ANOS1: variants seen among roughly 807,000 people sequenced by gnomAD.
The protein encoded by ANOS1 is anosmin 1.
Under a neutral mutation model 59.0 loss-of-function variants are expected in ANOS1, and 6 were observed. That is an observed-to-expected ratio of 0.10 (90% CI 0.06 to 0.20). ANOS1 has a LOEUF of 0.20. ANOS1 is among the 10% of genes least tolerant of loss of function. The probability of loss-of-function intolerance (pLI) is 1.00; values close to 1 mark genes in which losing one functional copy is unlikely to be tolerated. For synonymous variants in ANOS1, 217 were observed against 223.4 expected (o/e 0.97, Z 0.25); for missense variants, 433 against 542.3 (o/e 0.80, Z 2.00).
intron 2 of ANOS1, among the ~76,000 whole-genome samples, chrX:8,650,152 C>CT (rs1263791151): frequency 8.9e-6 from 1 of 112,181 alleles, no homozygotes; most frequent in African/African-American, 3.2e-5. Flanking sequence ...TCCTGGGTCC[C>CT]TCCTGGCATT....
At chrX:8,584,016 C>A (rs755425016) in intron 6 of ANOS1, among the ~76,000 whole-genome samples, 31 of 111,439 alleles carry the variant, frequency 2.8e-4, no homozygotes, top group Non-Finnish European at 5.3e-4. Flanking sequence ...CTCCACTAGG[C>A]AGGAGGTGCC....
At chrX:8,664,427 T>A (rs1932098531) in intron 2 of ANOS1, among the ~76,000 whole-genome samples, 1 of 110,454 alleles carries the variant, frequency 9.1e-6, no homozygotes, top group African/African-American at 3.3e-5. Flanking sequence ...TCTCCTGACC[T>A]CGTGATCCGC....
chrX:8,645,893 C>T (rs1931744531), intron 2 of ANOS1, among the ~76,000 whole-genome samples: 2 of 112,468 alleles, frequency 1.8e-5, no homozygotes, highest in Non-Finnish European at 3.8e-5. Context: ...ATCCGCCCGC[C>T]TCGGCCTCCC....
intron 2 of ANOS1, among the ~76,000 whole-genome samples, chrX:8,674,986 C>T (rs1395297010): frequency 9.0e-6 from 1 of 111,635 alleles, no homozygotes; most frequent in Admixed American, 9.5e-5. Flanking sequence ...CACAATCAAC[C>T]TCATGTAATG....
intron 1 of ANOS1, among the ~76,000 whole-genome samples, chrX:8,712,234 C>T (rs930263257): frequency 1.2e-4 from 14 of 112,111 alleles, no homozygotes; most frequent in Admixed American, 8.5e-4. Context: ...CCTTCACATC[C>T]GTGTCCTCAC....
At chrX:8,723,812 T>A (rs1158299223) in intron 1 of ANOS1, among the ~76,000 whole-genome samples, 5 of 111,588 alleles carry the variant, frequency 4.5e-5, no homozygotes, top group Non-Finnish European at 9.4e-5. Flanking sequence ...CCTGAACTAT[T>A]GGGGCTCCCT....
chrX:8,698,637 C>T (rs1052768862), intron 2 of ANOS1, among the ~76,000 whole-genome samples: 6 of 111,326 alleles, frequency 5.4e-5, no homozygotes, highest in Non-Finnish European at 7.5e-5. Context: ...GTAAGTGGAC[C>T]GTAACCAGGC....
chrX:8,541,434 AAAAAAATAAAAC>A (rs1372377176), intron 9 of ANOS1, among the ~76,000 whole-genome samples: 4 of 96,045 alleles, frequency 4.2e-5, no homozygotes, highest in Non-Finnish European at 8.6e-5. Flanking sequence ...ACAAAAAAAC[AAAAAAATAAAAC>A]AAAAAAAAAA....
At chrX:8,662,005 T>C (rs189018284) in intron 2 of ANOS1, among the ~76,000 whole-genome samples, 1 of 111,467 alleles carries the variant, frequency 9.0e-6, no homozygotes, top group East Asian at 2.8e-4. Context: ...TCAACAAAGA[T>C]GAAAGAAGAA....
chrX:8,659,426 T>G lies in ANOS1; in HGVS notation c.256-35756A>C, dbSNP rs867929135. Among the ~76,000 whole-genome samples the G allele has an allele frequency of 8.3e-5, 9 of 108,174 alleles. No individual in the cohort carries two copies. In the South Asian group the frequency reaches 1.7e-3, roughly 20 times the overall value. 93.9% of individuals were successfully genotyped at this position (108,174 alleles called of 115,157 possible). The stretch of plus-strand genomic sequence containing the variant: ...ACTCTTTCTCTCTCTCTCTCTTTCT[T>G]TTTCTTTCTTTCTTCCTTCCTTTCC... On this transcript the variant is annotated intron_variant, in intron 2 of 13. Transcript: ENST00000262648.
intron 1 of ANOS1, among the ~76,000 whole-genome samples, chrX:8,731,201 G>T (rs938876701): frequency 8.9e-6 from 1 of 112,084 alleles, no homozygotes; most frequent in Non-Finnish European, 1.9e-5. Flanking sequence ...AATCTTTGGG[G>T]TTCCGAATTG....
At chrX:8,721,280 C>T (rs188357556) in intron 1 of ANOS1, among the ~76,000 whole-genome samples, 1 of 111,506 alleles carries the variant, frequency 9.0e-6, no homozygotes, top group African/African-American at 3.3e-5. Context: ...TGTCTTCTCT[C>T]GCTGTTAACA....
At chrX:8,680,043 C>A (rs144301455) in intron 2 of ANOS1, among the ~76,000 whole-genome samples, 1,692 of 108,216 alleles carry the variant, frequency 0.016, 30 homozygotes, top group African/African-American at 0.055. Flanking sequence ...TGCCTGTAAT[C>A]CCAACTACTC....
At chrX:8,714,423 A>G (rs1602040668) in intron 1 of ANOS1, among the ~76,000 whole-genome samples, 1 of 111,754 alleles carries the variant, frequency 8.9e-6, no homozygotes, top group East Asian at 2.8e-4. Context: ...ACTCACATGC[A>G]TTAAGAGTAG....
chrX:8,533,432 G>C (rs770389039), intron 13 of ANOS1, among the ~76,000 whole-genome samples: 22 of 112,120 alleles, frequency 2.0e-4, no homozygotes, highest in African/African-American at 6.8e-4. Context: ...AAAAATTTTA[G>C]AGGCTATCAA....
intron 2 of ANOS1, among the ~76,000 whole-genome samples, chrX:8,689,877 T>C (rs1932580979): frequency 9.0e-6 from 1 of 111,479 alleles, no homozygotes; most frequent in Non-Finnish European, 1.9e-5. Context: ...CATCATGCTA[T>C]AGGACAGTTG....
rs113217100 is a variant in ANOS1 at position 8,664,458 on chromosome X, G to T, written c.255+35240C>A. ...TCCGCCCACCTTGGCCTCCCAAAGT[G>T]CTGGGATTACAGGTGTGAGCCACCG... On this transcript the variant is annotated intron_variant, in intron 2 of 13. Coordinates refer to ENST00000262648, the MANE Select transcript of ANOS1 (RefSeq NM_000216.4). Among the ~76,000 whole-genome samples the T allele has an allele frequency of 1.4e-3, 159 of 110,604 alleles. 1 individual carries two copies. Among genetic ancestry groups the T allele is most frequent in the African/African-American group, 5.1e-3 (154 of 30,369 alleles).
At chrX:8,700,072 C>T (rs1932740617) in intron 1 of ANOS1, among the ~76,000 whole-genome samples, 2 of 112,146 alleles carry the variant, frequency 1.8e-5, no homozygotes, top group South Asian at 7.3e-4. Context: ...CGCCAATAGT[C>T]AGCAGTTTTG....
chrX:8,599,648 T>C, intron 3 of ANOS1, among the ~76,000 whole-genome samples: 1 of 111,702 alleles, frequency 9.0e-6, no homozygotes, highest in Non-Finnish European at 1.9e-5. Context: ...TGATTGAATA[T>C]GGCTCCCTAC....
Sources: allele counts gnomAD v4.1 joint callset (sites outside exome capture counted in the v4.1 genomes callset), GRCh38; gene constraint gnomAD v4.1.1; transcripts MANE v1.5; gene names NCBI Gene and HGNC (gene_info 2026-07-23, HGNC 2026-07-21).